SCAPER: variants seen among roughly 807,000 people sequenced by gnomAD.
The protein encoded by SCAPER is S-phase cyclin A associated protein in the ER.
SCAPER carries 98 observed loss-of-function variants against 182.2 expected under a neutral mutation model. The ratio of observed to expected loss-of-function variants is 0.54; its 90% CI spans 0.46 to 0.64. The LOEUF is 0.64. Ranked by LOEUF, SCAPER falls within the 30% of genes least tolerant of loss-of-function variation. The pLI, the probability that SCAPER is intolerant of heterozygous loss-of-function variation, is 0.00. For missense variants in SCAPER, 1,432 were observed against 1,690.0 expected, an observed-to-expected ratio of 0.85 and a Z score of 2.68; for synonymous variants, 605 against 564.6, an observed-to-expected ratio of 1.07 and a Z score of -1.01.
intron 23 of SCAPER, among the ~76,000 whole-genome samples, chr15:76,516,968 C>T (rs1436205393): frequency 6.6e-6 from 1 of 152,078 alleles, no homozygotes; most frequent in Non-Finnish European, 1.5e-5. Flanking sequence ...GATTCATTAG[C>T]CCCATTATAC....
Position 76,840,077 on chromosome 15 carries a change from T to G in SCAPER, c.393+1657A>C, listed in dbSNP as rs116266467. Among the ~76,000 whole-genome samples the G allele has an allele frequency of 7.5e-3, 1,138 of 152,250 alleles. 19 individuals carry two copies. Among genetic ancestry groups the G allele is most frequent in the African/African-American group, 0.026 (1,084 of 41,544 alleles). On this transcript the variant is annotated intron_variant, in intron 5 of 31. Transcript: ENST00000563290. ...GTGTCTTCTACCGCAACATACTGACTCATTATACTCCAAGAATATGATTTT... is the reference window on the plus strand; with the variant it reads ...GTGTCTTCTACCGCAACATACTGACGCATTATACTCCAAGAATATGATTTT...
rs75188435 is a variant in SCAPER at position 76,883,588 on chromosome 15, A to G, written c.6+224T>C. ...AAGCTGGCTTCCACTTGTATTCCTA[A>G]CCTAGGTACCATAAGTGTTAGAGGC... is the stretch of plus-strand genomic sequence containing the variant. On this transcript the variant is annotated intron_variant, in intron 2 of 31. Coordinates refer to ENST00000563290, the MANE Select transcript of SCAPER (RefSeq NM_020843.4). Among the ~76,000 whole-genome samples the G allele has an allele frequency of 4.1e-3, 622 of 151,638 alleles. 1 individual carries two copies. The highest frequency in any genetic ancestry group is 6.4e-3 in the Non-Finnish European group (430 of 67,576).
chr15:76,717,532 C>T (rs2059953661), intron 17 of SCAPER, among the ~76,000 whole-genome samples: 1 of 152,026 alleles, frequency 6.6e-6, no homozygotes, highest in Non-Finnish European at 1.5e-5. Flanking sequence ...AAAAACGTAA[C>T]TTGTGGGATG....
At position 76,865,358 on chromosome 15, in the gene SCAPER, T is replaced by A. The variant is rs149477261; in HGVS notation, c.7-2825A>T. 8.1e-4 allele frequency among the ~76,000 whole-genome samples: 124 copies of A among 152,242 alleles called. 1 individual carries two copies. Among genetic ancestry groups the A allele is most frequent in the African/African-American group, 2.8e-3 (116 of 41,548 alleles). ...CAGCCTTGCATTGTCCAGGAAGTGA[T>A]AAAAGTAATAATTTATAATAAACTC... On this transcript the variant is annotated intron_variant, in intron 2 of 31. Coordinates refer to ENST00000563290, the MANE Select transcript of SCAPER (RefSeq NM_020843.4).
At position 76,509,067 on chromosome 15, in the gene SCAPER, A is replaced by G. The variant is rs114333453; in HGVS notation, c.2839-4093T>C. ...GGTCAAGATGGGGATGTAAACATACACCTCCTTTCTTATATGTAAAACAAA... is the reference window on the plus strand; with the variant it reads ...GGTCAAGATGGGGATGTAAACATACGCCTCCTTTCTTATATGTAAAACAAA... On this transcript the variant is annotated intron_variant, in intron 23 of 31. Coordinates refer to ENST00000563290, the MANE Select transcript of SCAPER (RefSeq NM_020843.4). Among the ~76,000 whole-genome samples, 1,519 of 152,100 alleles carry G rather than the reference A, an allele frequency of 1.0e-2. 23 individuals carry two copies. The highest frequency in any genetic ancestry group is 0.034 in the African/African-American group (1,415 of 41,474).
At position 76,597,273 on chromosome 15, in the gene SCAPER, G is replaced by C. The variant is rs2049583126; in HGVS notation, c.2712-22989C>G. Reference sequence around the variant, plus strand: ...GGGATGTGAAGGACCTCTTCAAGGAGAACTACAAACCACTACTCCACAAAA... The same window carrying C: ...GGGATGTGAAGGACCTCTTCAAGGACAACTACAAACCACTACTCCACAAAA... On this transcript the variant is annotated intron_variant, in intron 22 of 31. Transcript: ENST00000563290. 1.6e-5 allele frequency among the ~76,000 whole-genome samples: 2 copies of C among 121,278 alleles called. 1 individual carries two copies. Among genetic ancestry groups the C allele is most frequent in the Non-Finnish European group, 4.0e-5 (2 of 49,954 alleles). The allele number at this position is 121,278 out of a possible 152,430, so 79.6% of individuals were successfully genotyped here.
intron 25 of SCAPER, among the ~76,000 whole-genome samples, chr15:76,449,175 T>C (rs145866768): frequency 2.0e-5 from 3 of 152,340 alleles, no homozygotes; most frequent in African/African-American, 7.2e-5. Context: ...TAAAGGCCTA[T>C]CAAATATCTA....
intron 22 of SCAPER, among the ~76,000 whole-genome samples, chr15:76,578,503 CAG>C (rs1057323898): frequency 1.3e-5 from 2 of 152,028 alleles, no homozygotes; most frequent in Admixed American, 1.3e-4. Context: ...CAGCTCAGCA[CAG>C]AGAGAGAGAG....
chr15:76,789,036 A>C (rs930085902), intron 8 of SCAPER, among the ~76,000 whole-genome samples: 2 of 152,046 alleles, frequency 1.3e-5, no homozygotes, highest in African/African-American at 4.8e-5. Flanking sequence ...AAGCAAATAC[A>C]TTTCTCTTGT....
chr15:76,463,358 G>T (rs893509347), intron 25 of SCAPER, among the ~76,000 whole-genome samples: 26 of 152,018 alleles, frequency 1.7e-4, no homozygotes, highest in African/African-American at 6.0e-4. Context: ...CAGGCACCTG[G>T]ATGGCTCTGC....
At chr15:76,874,049 C>T (rs1024300409) in intron 2 of SCAPER, among the ~76,000 whole-genome samples, 20 of 152,046 alleles carry the variant, frequency 1.3e-4, no homozygotes, top group African/African-American at 4.8e-4. Flanking sequence ...CCCAGCACCA[C>T]GCCTGGCTAA....
intron 25 of SCAPER, among the ~76,000 whole-genome samples, chr15:76,457,094 G>A (rs1027915251): frequency 3.3e-5 from 5 of 149,310 alleles, no homozygotes; most frequent in African/African-American, 4.9e-5. Context: ...ATGGAGTCTC[G>A]CTTGGTCACC....
intron 21 of SCAPER, among the ~76,000 whole-genome samples, chr15:76,635,824 T>C (rs2053547196): frequency 6.6e-6 from 1 of 152,264 alleles, no homozygotes; most frequent in Non-Finnish European, 1.5e-5. Context: ...TCATGGTTTA[T>C]GTTCCCCTTC....
At chr15:76,467,198 C>T (rs969796872) in intron 25 of SCAPER, among the ~76,000 whole-genome samples, 4 of 152,130 alleles carry the variant, frequency 2.6e-5, no homozygotes, top group African/African-American at 9.7e-5. Context: ...TTATAAATTA[C>T]CCAGTCTCAG....
intron 23 of SCAPER, among the ~76,000 whole-genome samples, chr15:76,542,924 A>C (rs1484460090): frequency 6.6e-6 from 1 of 152,076 alleles, no homozygotes; most frequent in Admixed American, 6.5e-5. Context: ...TAATACTCAA[A>C]CTTTATAGGA....
At chr15:76,810,997 T>G (rs2066563376) in intron 5 of SCAPER, among the ~76,000 whole-genome samples, 1 of 151,918 alleles carries the variant, frequency 6.6e-6, no homozygotes, top group South Asian at 2.1e-4. Flanking sequence ...TTAAGTATAT[T>G]TGCACCTAAC....
chr15:76,456,195 T>C lies in SCAPER; in HGVS notation c.3078+15017A>G, dbSNP rs534606083. Among the ~76,000 whole-genome samples the C allele has an allele frequency of 5.9e-5, 9 of 152,294 alleles. No homozygotes were observed. The East Asian group carries it at 1.5e-3, about 26-fold the overall frequency. ...TTGGGTTATATACCCAGTGATGGAA[T>C]TGCTGGGTCAAATGATATTTCTGGT... On this transcript the variant is annotated intron_variant, in intron 25 of 31. Coordinates refer to ENST00000563290, the MANE Select transcript of SCAPER (RefSeq NM_020843.4).
At chr15:76,659,193 T>C (rs577647834) in intron 21 of SCAPER, among the ~76,000 whole-genome samples, 49 of 152,282 alleles carry the variant, frequency 3.2e-4, no homozygotes, top group African/African-American at 1.2e-3. Context: ...AGGTTTAATA[T>C]TCAGAACCTA....
At chr15:76,601,507 T>A (rs2049930674) in intron 22 of SCAPER, among the ~76,000 whole-genome samples, 1 of 121,652 alleles carries the variant, frequency 8.2e-6, no homozygotes, top group African/African-American at 2.5e-5. Flanking sequence ...GCCTAAGAGC[T>A]ATAGGCCATA....
Sources: gnomAD v4.1 joint callset for allele counts (sites outside exome capture counted in the v4.1 genomes callset) on GRCh38, gnomAD v4.1.1 for gene constraint, MANE v1.5 for transcripts, NCBI Gene and HGNC (gene_info 2026-07-23, HGNC 2026-07-21) for gene names.